The following PRKCI variants were observed in gnomAD, a reference collection of about 807,000 sequenced individuals.
PRKCI encodes the protein protein kinase C iota, also known as protein kinase C iota type.
Under a neutral mutation model 84.0 loss-of-function variants are expected in PRKCI, and 43 were observed. The ratio of observed to expected loss-of-function variants is 0.51; its 90% CI spans 0.40 to 0.66. The LOEUF is 0.66. PRKCI is among the 30% of genes least tolerant of loss of function. The pLI, the probability that PRKCI is intolerant of heterozygous loss-of-function variation, is 0.00. For synonymous variants in PRKCI, 216 were observed against 234.4 expected, an observed-to-expected ratio of 0.92 and a Z score of 0.72; for missense variants, 459 against 745.6, an observed-to-expected ratio of 0.62 and a Z score of 4.48.
chr3:170,222,811 G>C (rs747736276), intron 1 of PRKCI, 41 bp downstream of exon 1: 25 of 1,498,856 alleles, frequency 1.7e-5, no homozygotes, highest in Non-Finnish European at 2.1e-5. Context: ...GAGGGGACAG[G>C]CCGGCTCCAC....
intron 1 of PRKCI, among the ~76,000 whole-genome samples, chr3:170,234,150 G>A (rs1381396105): frequency 1.4e-5 from 2 of 147,290 alleles, no homozygotes; most frequent in African/African-American, 5.0e-5. Context: ...TTCTGCCCCA[G>A]CCTCCTGAGT....
rs751762522 is a variant in PRKCI, at chr3:170,298,979, C to T, written c.1588-16C>T. On this transcript the variant is annotated splice_polypyrimidine_tract_variant and intron_variant, in intron 16 of 17. Transcript: ENST00000295797. ...AAGAATACAGACTTGAGCTGTCATC[C>T]AGTATGTCTTTTCAGATGGAGCAAA... The T allele has an allele frequency of 2.6e-6, 4 of 1,523,566 alleles. No individual in the cohort carries two copies. The highest frequency in any genetic ancestry group is 1.1e-5 in the South Asian group (1 of 89,132). 94.4% of individuals were successfully genotyped at this position (1,523,566 alleles called of 1,614,324 possible).
intron 12 of PRKCI, 67 bp from the exon 13 acceptor site, chr3:170,291,783 TGAAA>T (rs1175466825): frequency 6.7e-6 from 8 of 1,197,246 alleles, no homozygotes; most frequent in Non-Finnish European, 9.9e-6. Flanking sequence ...ATATGATAGG[TGAAA>T]TAGAAAGGGT....
At chr3:170,223,068 G>A (rs1732535530) in intron 1 of PRKCI, among the ~76,000 whole-genome samples, 1 of 152,130 alleles carries the variant, frequency 6.6e-6, no homozygotes, top group Non-Finnish European at 1.5e-5. Flanking sequence ...CTCGCCTCCT[G>A]AGAGCTTTGT....
chr3:170,269,641 G>C (rs1733950851), intron 5 of PRKCI, among the ~76,000 whole-genome samples: 1 of 152,098 alleles, frequency 6.6e-6, no homozygotes, highest in Non-Finnish European at 1.5e-5. Context: ...GCAAGACCCT[G>C]TCTCTTAAAA....
intron 2 of PRKCI, among the ~76,000 whole-genome samples, chr3:170,251,400 A>G (rs544694407): frequency 6.6e-6 from 1 of 152,326 alleles, no homozygotes; most frequent in African/African-American, 2.4e-5. Context: ...AACTGAGAGA[A>G]AATATTTGCA....
chr3:170,249,845 A>G (rs1319366230), intron 2 of PRKCI, among the ~76,000 whole-genome samples: 1 of 152,070 alleles, frequency 6.6e-6, no homozygotes, highest in East Asian at 1.9e-4. Context: ...TGGCAAAATG[A>G]GATAAATTTA....
intron 8 of PRKCI, among the ~76,000 whole-genome samples, chr3:170,277,618 CAGG>C (rs1398582903): frequency 6.6e-6 from 1 of 150,574 alleles, no homozygotes; most frequent in East Asian, 2.0e-4. Flanking sequence ...GGTGTGAACC[CAGG>C]AGGCGGAGCT....
At chr3:170,232,763 C>T (rs959957648) in intron 1 of PRKCI, among the ~76,000 whole-genome samples, 6 of 151,804 alleles carry the variant, frequency 4.0e-5, no homozygotes, top group Non-Finnish European at 1.5e-5. Context: ...TGAGGCTGGC[C>T]TTGAACTCCT....
chr3:170,286,929 A>T (rs1468668298), intron 12 of PRKCI, among the ~76,000 whole-genome samples: 1 of 151,670 alleles, frequency 6.6e-6, no homozygotes, highest in Non-Finnish European at 1.5e-5. Flanking sequence ...CACTTTCCTC[A>T]GGTGAATGGG....
intron 14 of PRKCI, among the ~76,000 whole-genome samples, chr3:170,293,788 G>A (rs950181687): frequency 6.6e-5 from 10 of 152,014 alleles, no homozygotes; most frequent in East Asian, 1.9e-4. Flanking sequence ...GAGTAACTGG[G>A]ATTACAGGCA....
chr3:170,268,565 ATAATT>A (rs1340959358), intron 5 of PRKCI, among the ~76,000 whole-genome samples: 1 of 152,076 alleles, frequency 6.6e-6, no homozygotes, highest in Non-Finnish European at 1.5e-5. Flanking sequence ...ATTTTAAAAT[ATAATT>A]TAAGGCAACC....
intron 2 of PRKCI, among the ~76,000 whole-genome samples, chr3:170,249,515 G>C (rs962675208): frequency 6.6e-6 from 1 of 152,160 alleles, no homozygotes; most frequent in African/African-American, 2.4e-5. Flanking sequence ...TTAGCTGGGC[G>C]TGGTGGCTCA....
At chr3:170,280,481 C>G in intron 9 of PRKCI, 78 bp downstream of exon 9, 1 of 1,340,990 alleles carries the variant, frequency 7.5e-7, no homozygotes, top group Non-Finnish European at 1.0e-6. Context: ...GAGTTTCGCT[C>G]TTGTCACCCA....
At chr3:170,250,741 A>G (rs1733423752) in intron 2 of PRKCI, among the ~76,000 whole-genome samples, 2 of 152,186 alleles carry the variant, frequency 1.3e-5, no homozygotes, top group African/African-American at 4.8e-5. Context: ...TTCATTTCAT[A>G]TGGTAACTGT....
intron 2 of PRKCI, among the ~76,000 whole-genome samples, chr3:170,258,062 A>C (rs889793907): frequency 6.6e-6 from 1 of 152,082 alleles, no homozygotes; most frequent in Non-Finnish European, 1.5e-5. Flanking sequence ...AGCTCAGAGA[A>C]GATAAAAGGA....
At chr3:170,239,013 T>C (rs1022940648) in intron 2 of PRKCI, among the ~76,000 whole-genome samples, 1 of 152,184 alleles carries the variant, frequency 6.6e-6, no homozygotes, top group African/African-American at 2.4e-5. Context: ...GGATTACAGG[T>C]GTGAGCCACT....
At chr3:170,297,239 C>A in intron 15 of PRKCI, 65 bp from the exon 16 acceptor site, 1 of 1,329,094 alleles carries the variant, frequency 7.5e-7, no homozygotes. Context: ...CAACACAGAT[C>A]ACAAAGATGA....
At chr3:170,237,989 G>A (rs914473193) in intron 2 of PRKCI, among the ~76,000 whole-genome samples, 1 of 152,118 alleles carries the variant, frequency 6.6e-6, no homozygotes, top group East Asian at 1.9e-4. Flanking sequence ...ATGACATACA[G>A]CTGATATTTT....
Sources: gnomAD v4.1 joint callset for allele counts (sites outside exome capture counted in the v4.1 genomes callset) on GRCh38, gnomAD v4.1.1 for gene constraint, MANE v1.5 for transcripts, NCBI Gene and HGNC (gene_info 2026-07-23, HGNC 2026-07-21) for gene names.